FRMPD2: variants seen among roughly 807,000 people sequenced by gnomAD.
FRMPD2 encodes FERM and PDZ domain-containing protein 2.
FRMPD2 carries 96 observed loss-of-function variants against 140.1 expected under a neutral mutation model. That is an observed-to-expected ratio of 0.69 (90% CI 0.58 to 0.81). FRMPD2 has a LOEUF of 0.81. Ranked by LOEUF, FRMPD2 falls within the 40% of genes least tolerant of loss-of-function variation. The probability of loss-of-function intolerance (pLI) is 0.00; values close to 1 mark genes in which losing one functional copy is unlikely to be tolerated. For synonymous variants in FRMPD2, 449 were observed against 547.6 expected (o/e 0.82, Z 2.52); for missense variants, 1,240 against 1,447.4 (o/e 0.86, Z 2.32).
At chr10:48,218,220 A>T (rs964483819) in intron 12 of FRMPD2, among the ~76,000 whole-genome samples, 1 of 152,128 alleles carries the variant, frequency 6.6e-6, no homozygotes, top group African/African-American at 2.4e-5. Flanking sequence ...TCTCAAATTA[A>T]TCACCTTTTT....
chr10:48,185,802 A>C (rs1272783872), intron 17 of FRMPD2, among the ~76,000 whole-genome samples, 157 bp from the exon 18 acceptor site: 2 of 152,212 alleles, frequency 1.3e-5, no homozygotes, highest in Middle Eastern at 3.2e-3. Context: ...ATCTCCCAGC[A>C]GTGCTGGGAA....
intron 9 of FRMPD2, among the ~76,000 whole-genome samples, chr10:48,235,015 T>G (rs1311750699): frequency 6.6e-6 from 1 of 152,052 alleles, no homozygotes; most frequent in Non-Finnish European, 1.5e-5. Flanking sequence ...AATTGTCCCT[T>G]CTTCCCCTCA....
chr10:48,161,192 C>A (rs1312621636), intron 28 of FRMPD2, among the ~76,000 whole-genome samples: 32 of 149,868 alleles, frequency 2.1e-4, no homozygotes, highest in Non-Finnish European at 1.9e-4. Context: ...GGTTGATGGG[C>A]GTTCACAACA....
At chr10:48,211,868 TG>T in intron 13 of FRMPD2, 85 bp downstream of exon 13, 1 of 1,355,324 alleles carries the variant, frequency 7.4e-7, no homozygotes, top group Non-Finnish European at 1.0e-6. Flanking sequence ...TGCACACACC[TG>T]GGCCCCTTGA....
intron 10 of FRMPD2, 72 bp downstream of exon 10, chr10:48,232,043 G>A: frequency 1.4e-6 from 2 of 1,411,618 alleles, no homozygotes; most frequent in South Asian, 1.2e-5. Flanking sequence ...AGAAGAAACA[G>A]AGCTCAGGTA....
intron 21 of FRMPD2, among the ~76,000 whole-genome samples, chr10:48,179,551 C>G (rs536126372): frequency 1.3e-5 from 2 of 151,476 alleles, no homozygotes; most frequent in Admixed American, 1.3e-4. Flanking sequence ...TCAGGGAGAA[C>G]TGTTTCTTCA....
At chr10:48,177,904 G>A in intron 22 of FRMPD2, 143 bp downstream of exon 22, 2 of 575,648 alleles carry the variant, frequency 3.5e-6, no homozygotes, top group South Asian at 3.9e-5. Flanking sequence ...CCCCAGTGCA[G>A]GCCCCCACTG....
At chr10:48,196,445 G>A (rs1196383205) in intron 15 of FRMPD2, among the ~76,000 whole-genome samples, 1 of 152,216 alleles carries the variant, frequency 6.6e-6, no homozygotes, top group Non-Finnish European at 1.5e-5. Flanking sequence ...CCATTTCAAG[G>A]ATATGAGATG....
intron 21 of FRMPD2, among the ~76,000 whole-genome samples, chr10:48,179,978 C>G (rs1838502752): frequency 1.3e-5 from 2 of 152,194 alleles, no homozygotes; most frequent in Admixed American, 1.3e-4. Context: ...CTGTGACCAC[C>G]CCTGAGCCTG....
At chr10:48,182,583 C>T (rs553410142) in intron 20 of FRMPD2, among the ~76,000 whole-genome samples, 1 of 152,218 alleles carries the variant, frequency 6.6e-6, no homozygotes, top group Non-Finnish European at 1.5e-5. Context: ...AAACATCTTC[C>T]TCTGGCAGTG....
chr10:48,192,922 T>TAC (rs755623667), intron 15 of FRMPD2, 28 bp from the exon 16 acceptor site: 43 of 1,511,342 alleles, frequency 2.8e-5, no homozygotes, highest in Non-Finnish European at 3.7e-5. Context: ...AACATAGACA[T>TAC]ACACACACAC....
chr10:48,255,546 A>G (rs1840472292), intron 1 of FRMPD2, among the ~76,000 whole-genome samples: 1 of 152,250 alleles, frequency 6.6e-6, no homozygotes, highest in African/African-American at 2.4e-5. Context: ...TACTACCAGT[A>G]GAATGAGGAA....
At chr10:48,165,686 T>C (rs1343873264) in intron 27 of FRMPD2, among the ~76,000 whole-genome samples, 1 of 119,192 alleles carries the variant, frequency 8.4e-6, no homozygotes, top group Non-Finnish European at 1.8e-5. Context: ...CCTTGCTTGG[T>C]TTTTCCACCA....
At chr10:48,269,351 C>T (rs1463384063) in intron 1 of FRMPD2, among the ~76,000 whole-genome samples, 2 of 152,160 alleles carry the variant, frequency 1.3e-5, no homozygotes, top group East Asian at 3.8e-4. Context: ...CAATTCTCTG[C>T]CTCCTAGGGA....
At position 48,242,147 on chromosome 10, in the gene FRMPD2, G is replaced by T; in HGVS notation, c.567+14C>A. 6.4e-7 allele frequency: 1 copy of T among 1,553,578 alleles called. No homozygotes were observed. The highest frequency in any genetic ancestry group is 8.7e-7 in the Non-Finnish European group (1 of 1,144,208). On this transcript the variant is annotated intron_variant, in intron 5 of 28. Transcript: ENST00000374201. ...CCAGCAGCTACTGCTTGAAAAGCACGGTTCTCTACTGACCTCAGAAATGGT... is the reference window on the plus strand; with the variant it reads ...CCAGCAGCTACTGCTTGAAAAGCACTGTTCTCTACTGACCTCAGAAATGGT...
intron 17 of FRMPD2, among the ~76,000 whole-genome samples, chr10:48,186,331 A>G (rs974462772): frequency 3.3e-5 from 5 of 152,180 alleles, no homozygotes; most frequent in Admixed American, 6.5e-5. Context: ...TTACTTGTAA[A>G]GAGTTGCCTG....
intron 1 of FRMPD2, among the ~76,000 whole-genome samples, chr10:48,256,943 C>T (rs191596301): frequency 5.3e-4 from 80 of 152,308 alleles, no homozygotes; most frequent in African/African-American, 1.8e-3. Flanking sequence ...CACAGACTAA[C>T]ACAAGATAAA....
intron 5 of FRMPD2, 110 bp downstream of exon 5, chr10:48,242,051 T>A: frequency 1.3e-6 from 1 of 779,850 alleles, no homozygotes; most frequent in Middle Eastern, 3.7e-4. Flanking sequence ...ATGTGACTGA[T>A]TAATTTAATT....
intron 3 of FRMPD2, 73 bp downstream of exon 3, chr10:48,248,948 G>C: frequency 2.2e-6 from 3 of 1,377,642 alleles, no homozygotes; most frequent in South Asian, 3.0e-5. Context: ...CTGGGAGCTG[G>C]GGAGGCTGCC....
Sources: gnomAD v4.1 joint callset for allele counts (sites outside exome capture counted in the v4.1 genomes callset) on GRCh38, gnomAD v4.1.1 for gene constraint, MANE v1.5 for transcripts, NCBI Gene and HGNC (gene_info 2026-07-23, HGNC 2026-07-21) for gene names.